The following MRPS14 variants were observed in gnomAD, a reference collection of about 807,000 sequenced individuals.
MRPS14 encodes mitochondrial ribosomal protein S14.
Under a neutral mutation model 16.4 loss-of-function variants are expected in MRPS14, and 14 were observed. The observed-to-expected ratio is 0.85, with a 90% CI of 0.56 to 1.33. The LOEUF is 1.33. MRPS14 is among the 40% of genes most tolerant of loss of function. The probability of loss-of-function intolerance (pLI) is 0.00; values close to 1 mark genes in which losing one functional copy is unlikely to be tolerated. For synonymous variants in MRPS14, 54 were observed against 61.9 expected (o/e 0.87, Z 0.60); for missense variants, 162 against 176.8 (o/e 0.92, Z 0.48).
At chr1:175,021,878 A>G (rs1269769515) in intron 1 of MRPS14, among the ~76,000 whole-genome samples, 2 of 152,166 alleles carry the variant, frequency 1.3e-5, no homozygotes, top group Non-Finnish European at 2.9e-5. Flanking sequence ...ATTTCTATAA[A>G]TGCTCACCAA....
chr1:175,014,576 T>C lies in MRPS14; in HGVS notation c.*93A>G. On this transcript the variant is annotated 3_prime_UTR_variant, in exon 3 of 3. Transcript: ENST00000476371. ...GCCAAACAACTGTACTGGGCCCCTG[T>C]AGAGATTAGGGTTTGGTCTATTAAA... The C allele has an allele frequency of 5.3e-6, 7 of 1,325,692 alleles. No homozygotes were observed. The highest frequency in any genetic ancestry group is 7.2e-6 in the Non-Finnish European group (7 of 972,586). The allele number at this position is 1,325,692 out of a possible 1,614,324, so 82.1% of individuals were successfully genotyped here.
In MRPS14 at chr1:175,014,754, T is replaced by C. The variant is rs764967137; in HGVS notation, c.302A>G (p.Lys101Arg). The C allele has an allele frequency of 6.1e-5, 99 of 1,613,946 alleles. No individual in the cohort carries two copies. The highest frequency in any genetic ancestry group is 8.3e-5 in the Non-Finnish European group (98 of 1,180,022). Reference sequence around the variant, plus strand: ...TATACGACTAAGCCTCCAGCGCCGCTTCACACCACGCGGACGGGACGTCAT... The same window carrying C: ...TATACGACTAAGCCTCCAGCGCCGCCTCACACCACGCGGACGGGACGTCAT... ...CVMTSRPRGV[K>R]RRWRLSRIVF... The change falls in exon 3 of 3, where the codon AAG (lysine) becomes AGG (arginine). Residue 101 changes from lysine to arginine, a missense_variant. Transcript: ENST00000476371.
intron 1 of MRPS14, among the ~76,000 whole-genome samples, chr1:175,022,962 T>C (rs1245067093): frequency 6.6e-6 from 1 of 152,126 alleles, no homozygotes; most frequent in Non-Finnish European, 1.5e-5. Context: ...CCTCACACTT[T>C]GAAATTCTGT....
At chr1:175,018,371 G>A in intron 2 of MRPS14, 47 bp downstream of exon 2, 1 of 1,510,734 alleles carries the variant, frequency 6.6e-7, no homozygotes, top group Non-Finnish European at 8.9e-7. Context: ...ATCTGATGTT[G>A]AGTTAATGAT....
chr1:175,019,875 T>C (rs1251595557), intron 1 of MRPS14, among the ~76,000 whole-genome samples: 1 of 152,132 alleles, frequency 6.6e-6, no homozygotes, highest in Non-Finnish European at 1.5e-5. Flanking sequence ...TGTTTATAAA[T>C]GAAATATATG....
At position 175,013,569 on chromosome 1, in the gene MRPS14, G is replaced by A. The variant is rs1672822591; in HGVS notation, c.*1100C>T. 6.6e-6 allele frequency: 1 copy of A among 152,224 alleles called. No individual in the cohort carries two copies. Among genetic ancestry groups the A allele is most frequent in the Non-Finnish European group, 1.5e-5 (1 of 68,060 alleles). 9.4% of individuals were successfully genotyped at this position (152,224 alleles called of 1,614,324 possible). On this transcript the variant is annotated 3_prime_UTR_variant, in exon 3 of 3. Transcript: ENST00000476371. ...AACTAAGACATCCTCCTAACTGGTTGTCTTGCCTGTAGCTTTTTCCTCTCA... is the reference window on the plus strand; with the variant it reads ...AACTAAGACATCCTCCTAACTGGTTATCTTGCCTGTAGCTTTTTCCTCTCA...
chr1:175,018,340 C>A, intron 2 of MRPS14, 78 bp downstream of exon 2: 1 of 1,329,940 alleles, frequency 7.5e-7, no homozygotes, highest in African/African-American at 1.5e-5. Context: ...TACCAAGTCA[C>A]AACAAACAGT....
At chr1:175,015,319 C>T (rs934221213) in intron 2 of MRPS14, among the ~76,000 whole-genome samples, 3 of 152,162 alleles carry the variant, frequency 2.0e-5, no homozygotes, top group Non-Finnish European at 2.9e-5. Flanking sequence ...GGTCATCTTA[C>T]GATTTGGGCG....
chr1:175,018,353 CAA>C, intron 2 of MRPS14, 63 bp downstream of exon 2: 77 of 1,433,860 alleles, frequency 5.4e-5, no homozygotes, highest in Non-Finnish European at 7.2e-5. Context: ...CAAACAGTAT[CAA>C]AAGTGATCTG....
At position 175,014,729 on chromosome 1, in the gene MRPS14, T is replaced by C. The variant is rs777030753; in HGVS notation, c.327A>G (p.Ile109Met). The C allele has an allele frequency of 6.2e-7, 1 of 1,614,128 alleles. No individual in the cohort carries two copies. The highest frequency in any genetic ancestry group is 8.5e-7 in the Non-Finnish European group (1 of 1,180,012). The change falls in exon 3 of 3, where the codon ATA becomes ATG. Residue 109 changes from isoleucine (I) to methionine (M), a missense_variant. Transcript: ENST00000476371. The stretch of plus-strand genomic sequence containing the variant: ...CATGGTCAGCTAAGTGACGGAAGAC[T>C]ATACGACTAAGCCTCCAGCGCCGCT... ...GVKRRWRLSR[I>M]VFRHLADHGQ... is the part of the protein sequence containing the mutation.
intron 1 of MRPS14, among the ~76,000 whole-genome samples, chr1:175,021,753 C>A (rs942977266): frequency 1.3e-5 from 2 of 152,198 alleles, no homozygotes; most frequent in African/African-American, 2.4e-5. Flanking sequence ...CCATTTCCAA[C>A]TCTCTTACAG....
At chr1:175,022,743 AT>A (rs1239879455) in intron 1 of MRPS14, among the ~76,000 whole-genome samples, 2 of 130,970 alleles carry the variant, frequency 1.5e-5, no homozygotes, top group Admixed American at 8.2e-5. Context: ...TTATTGACCC[AT>A]TTTTTTTGCT....
chr1:175,014,639 C>CCTGCA lies in MRPS14; in HGVS notation c.*25_*29dup. 6.4e-7 allele frequency: 1 copy of CCTGCA among 1,562,176 alleles called. No individual in the cohort carries two copies. Among genetic ancestry groups the CCTGCA allele is most frequent in the East Asian group, 2.3e-5 (1 of 44,274 alleles). On this transcript the variant is annotated 3_prime_UTR_variant, in exon 3 of 3. Transcript: ENST00000476371. Reference sequence around the variant, plus strand: ...TTGCTGGAACTGCAAGCTTGGCTTCCCTGCAAGCTCAATAGGTTCTGGAGC... The same window carrying CCTGCA: ...TTGCTGGAACTGCAAGCTTGGCTTCCCTGCACTGCAAGCTCAATAGGTTCTGGAGC...
In MRPS14 at chr1:175,014,755, T is replaced by A; in HGVS notation, c.301A>T (p.Lys101Ter). 6.2e-7 allele frequency: 1 copy of A among 1,614,114 alleles called. No homozygotes were observed. The highest frequency in any genetic ancestry group is 8.5e-7 in the Non-Finnish European group (1 of 1,180,014). ...CVMTSRPRGV[K>*]RRWRLSRIVF... is the part of the protein sequence containing the mutation. ...ATACGACTAAGCCTCCAGCGCCGCT[T>A]CACACCACGCGGACGGGACGTCATA... Residue 101 changes from lysine to a stop codon, truncating the protein, a stop_gained, in exon 3 of 3, where the codon AAG becomes TAG. Coordinates refer to ENST00000476371, the MANE Select transcript of MRPS14 (RefSeq NM_022100.3). LOFTEE classifies it high-confidence loss of function.
Position 175,018,518 on chromosome 1 carries a change from C to T in MRPS14, c.104G>A (p.Trp35Ter). 1.2e-6 allele frequency: 2 copies of T among 1,613,052 alleles called. No individual in the cohort carries two copies. Among genetic ancestry groups the T allele is most frequent in the Admixed American group, 1.7e-5 (1 of 59,524 alleles). ...VRSHYVDWRM[W>*]RDVKRRKMAY... ...CATTTTTCGTCTCTTCACATCGCGCCACATTCTCCAGTCTACATAGTGACT... is the reference window on the plus strand; with the variant it reads ...CATTTTTCGTCTCTTCACATCGCGCTACATTCTCCAGTCTACATAGTGACT... The change falls in exon 2 of 3, where the codon TGG becomes TAG. Residue 35 changes from tryptophan (W) to a stop codon, truncating the protein, a stop_gained. Transcript: ENST00000476371. LOFTEE classifies it high-confidence loss of function.
chr1:175,019,545 C>T (rs930405360), intron 1 of MRPS14, among the ~76,000 whole-genome samples: 2 of 152,198 alleles, frequency 1.3e-5, no homozygotes, highest in Non-Finnish European at 2.9e-5. Context: ...ATCCATCCGT[C>T]TTGGCCTCCC....
In MRPS14 at chr1:175,014,418, T is replaced by C; in HGVS notation, c.*251A>G. The C allele has an allele frequency of 2.4e-6, 1 of 414,292 alleles. No individual in the cohort carries two copies. Among genetic ancestry groups the C allele is most frequent in the Non-Finnish European group, 4.2e-6 (1 of 236,108 alleles). 25.7% of individuals were successfully genotyped at this position (414,292 alleles called of 1,614,324 possible). A position where few individuals can be genotyped will look rare whatever the true frequency, so the allele number is the denominator to read the frequency against. On this transcript the variant is annotated 3_prime_UTR_variant, in exon 3 of 3. Transcript: ENST00000476371. ...GGGTATAAAAAACATTCACAGAAAA[T>C]ATTTATTATGCTACTCTTTGTACTA...
rs1672836264 is a variant in MRPS14, at chr1:175,014,101, A to G, written c.*568T>C. 6.5e-6 allele frequency: 1 copy of G among 154,628 alleles called. No homozygotes were observed. The allele number at this position is 154,628 out of a possible 1,614,324, so 9.6% of individuals were successfully genotyped here. ...GACTTAAAGAGGCATAATTTGTTTT[A>G]AAGTCCCTTAAGGATGGACAAGAAA... is the stretch of plus-strand genomic sequence containing the variant. On this transcript the variant is annotated 3_prime_UTR_variant, in exon 3 of 3. Coordinates refer to ENST00000476371, the MANE Select transcript of MRPS14 (RefSeq NM_022100.3).
At chr1:175,014,933 C>CTTTCT in intron 2 of MRPS14, 82 bp from the exon 3 acceptor site, 1 of 768,708 alleles carries the variant, frequency 1.3e-6, no homozygotes, top group Non-Finnish European at 1.8e-6. Flanking sequence ...AGGTAATTTT[C>CTTTCT]TTTTCTTTTT....
Sources: allele counts gnomAD v4.1 joint callset (sites outside exome capture counted in the v4.1 genomes callset), GRCh38; gene constraint gnomAD v4.1.1; transcripts MANE v1.5; gene names NCBI Gene and HGNC (gene_info 2026-07-23, HGNC 2026-07-21).